The following ACTR2 variants were observed in gnomAD, a reference collection of about 807,000 sequenced individuals.
ACTR2 encodes actin-related protein 2.
In ACTR2, 5 loss-of-function variants were observed where a neutral mutation model predicts 50.2. The observed-to-expected ratio is 0.10, with a 90% CI of 0.05 to 0.21. ACTR2 has a LOEUF of 0.21. Among genes scored for constraint, ACTR2 ranks in the 10% least tolerant of loss-of-function variants. ACTR2 has a pLI of 1.00. For synonymous variants in ACTR2, 140 were observed against 162.9 expected (o/e 0.86, Z 1.07); for missense variants, 180 against 480.6 (o/e 0.37, Z 5.85).
chr2:65,265,830 T>C (rs1672360555), intron 8 of ACTR2, among the ~76,000 whole-genome samples: 3 of 152,230 alleles, frequency 2.0e-5, no homozygotes, highest in African/African-American at 7.2e-5. Context: ...AGTTATCTAA[T>C]CCTGAGTTAA....
intron 1 of ACTR2, among the ~76,000 whole-genome samples, chr2:65,230,375 A>G (rs973831946): frequency 6.6e-6 from 1 of 150,798 alleles, no homozygotes; most frequent in African/African-American, 2.4e-5. Flanking sequence ...TAAATATTAA[A>G]TTAGAATGGG....
intron 6 of ACTR2, among the ~76,000 whole-genome samples, chr2:65,260,984 C>A (rs1251021982): frequency 1.3e-5 from 2 of 152,108 alleles, no homozygotes; most frequent in Admixed American, 1.3e-4. Flanking sequence ...CCCAGCTCAG[C>A]CTCCCAAAGT....
At chr2:65,232,911 A>G (rs146630719) in intron 1 of ACTR2, among the ~76,000 whole-genome samples, 29 of 152,218 alleles carry the variant, frequency 1.9e-4, no homozygotes, top group Non-Finnish European at 3.7e-4. Context: ...TGGGGGAGGA[A>G]TTTCAAGGAT....
At chr2:65,229,943 A>G (rs943419337) in intron 1 of ACTR2, among the ~76,000 whole-genome samples, 2 of 152,166 alleles carry the variant, frequency 1.3e-5, no homozygotes, top group African/African-American at 4.8e-5. Context: ...GTATCCGCAT[A>G]TGAAAGTTTT....
At chr2:65,249,930 A>C (rs755616104) in intron 3 of ACTR2, among the ~76,000 whole-genome samples, 4 of 152,096 alleles carry the variant, frequency 2.6e-5, no homozygotes, top group Non-Finnish European at 4.4e-5. Context: ...GTGGCATTTT[A>C]CTGGGTTTTT....
intron 6 of ACTR2, among the ~76,000 whole-genome samples, chr2:65,257,271 A>G (rs984962001): frequency 1.7e-4 from 26 of 152,278 alleles, no homozygotes; most frequent in Middle Eastern, 6.8e-3. Flanking sequence ...TGTAAAGGAC[A>G]TGAACTCATT....
chr2:65,268,507 T>C, intron 8 of ACTR2, 57 bp from the exon 9 acceptor site: 1 of 1,494,434 alleles, frequency 6.7e-7, no homozygotes, highest in South Asian at 1.3e-5. Context: ...GCCATTTTCA[T>C]AAAGCAGAAA....
intron 8 of ACTR2, among the ~76,000 whole-genome samples, chr2:65,267,132 A>G (rs143044279): frequency 6.6e-6 from 1 of 152,326 alleles, no homozygotes; most frequent in Admixed American, 6.5e-5. Flanking sequence ...TTTCCCTTAG[A>G]GTAGAGGTGG....
At chr2:65,253,943 T>C (rs1672101121) in intron 5 of ACTR2, 79 bp downstream of exon 5, 3 of 1,280,572 alleles carry the variant, frequency 2.3e-6, no homozygotes, top group Non-Finnish European at 3.3e-6. Context: ...ATCTATCGTT[T>C]TAGGATTCCA....
chr2:65,267,161 C>T (rs1410886554), intron 8 of ACTR2, among the ~76,000 whole-genome samples: 1 of 152,100 alleles, frequency 6.6e-6, no homozygotes, highest in Non-Finnish European at 1.5e-5. Context: ...AGCCCTTATG[C>T]CAAAACTGGT....
chr2:65,258,641 C>CAT (rs1024723260), intron 6 of ACTR2, among the ~76,000 whole-genome samples: 1 of 152,088 alleles, frequency 6.6e-6, no homozygotes, highest in African/African-American at 2.4e-5. Flanking sequence ...CACACACACA[C>CAT]ATATACACAA....
intron 6 of ACTR2, 108 bp downstream of exon 6, chr2:65,255,802 G>T: frequency 1.1e-6 from 1 of 950,010 alleles, no homozygotes; most frequent in South Asian, 2.0e-5. Context: ...GTCTTGGGTT[G>T]TTGTAATATG....
chr2:65,268,824 G>C lies in ACTR2; in HGVS notation c.*90G>C, dbSNP rs1270684542. On this transcript the variant is annotated 3_prime_UTR_variant, in exon 9 of 9. Coordinates refer to ENST00000260641, the MANE Select transcript of ACTR2 (RefSeq NM_005722.4). ...ACTCATTCAACTCCAGGACATGGAAGAGGCCTCTCTCTGCCCTTTGACTGG... is the reference window on the plus strand; with the variant it reads ...ACTCATTCAACTCCAGGACATGGAACAGGCCTCTCTCTGCCCTTTGACTGG... 3 of 1,374,068 alleles carry C rather than the reference G, an allele frequency of 2.2e-6. No homozygotes were observed. Among genetic ancestry groups the C allele is most frequent in the Non-Finnish European group, 2.0e-6 (2 of 999,932 alleles). 85.1% of individuals were successfully genotyped at this position (1,374,068 alleles called of 1,614,324 possible).
intron 8 of ACTR2, 80 bp from the exon 9 acceptor site, chr2:65,268,484 A>G (rs1672427780): frequency 7.8e-7 from 1 of 1,278,088 alleles, no homozygotes; most frequent in South Asian, 1.5e-5. Flanking sequence ...GAGGGAGAGC[A>G]TATATTTAAA....
At chr2:65,258,792 T>G (rs1243016455) in intron 6 of ACTR2, among the ~76,000 whole-genome samples, 1 of 152,146 alleles carries the variant, frequency 6.6e-6, no homozygotes, top group African/African-American at 2.4e-5. Flanking sequence ...GACCCCATGC[T>G]GGCCAGCAGC....
At chr2:65,240,941 G>A (rs1367369864) in intron 2 of ACTR2, among the ~76,000 whole-genome samples, 1 of 151,930 alleles carries the variant, frequency 6.6e-6, no homozygotes, top group Non-Finnish European at 1.5e-5. Flanking sequence ...TCTGCTTTTG[G>A]GATAGAGAGT....
intron 2 of ACTR2, among the ~76,000 whole-genome samples, chr2:65,244,039 C>T (rs1359025902): frequency 6.6e-6 from 1 of 152,058 alleles, no homozygotes; most frequent in Non-Finnish European, 1.5e-5. Context: ...TAAGTTAATA[C>T]TCCATTTTAA....
intron 7 of ACTR2, among the ~76,000 whole-genome samples, chr2:65,262,642 T>A (rs1184040856): frequency 6.6e-6 from 1 of 152,148 alleles, no homozygotes; most frequent in Non-Finnish European, 1.5e-5. Context: ...CAGTGTAATT[T>A]TACTTTTTAT....
intron 1 of ACTR2, 70 bp downstream of exon 1, chr2:65,228,027 C>A: frequency 7.0e-7 from 1 of 1,425,684 alleles, no homozygotes; most frequent in Non-Finnish European, 9.2e-7. Context: ...CGCACGGGCC[C>A]TCGGCCCCCA....
Sources: gnomAD v4.1 joint callset for allele counts (sites outside exome capture counted in the v4.1 genomes callset) on GRCh38, gnomAD v4.1.1 for gene constraint, MANE v1.5 for transcripts, NCBI Gene and HGNC (gene_info 2026-07-23, HGNC 2026-07-21) for gene names.